Variants in RAB10 observed in about 807,000 individuals in gnomAD.
The protein encoded by RAB10 is RAB10, member RAS oncogene family.
Under a neutral mutation model 25.7 loss-of-function variants are expected in RAB10, and 5 were observed. That is an observed-to-expected ratio of 0.19 (90% CI 0.10 to 0.41). The LOEUF is 0.41. Among genes scored for constraint, RAB10 ranks in the 10% least tolerant of loss-of-function variants. RAB10 has a pLI of 1.00. For missense variants in RAB10, 103 were observed against 245.8 expected, an observed-to-expected ratio of 0.42 and a Z score of 3.89; for synonymous variants, 89 against 86.4, an observed-to-expected ratio of 1.03 and a Z score of -0.16.
chr2:26,051,225 C>T (rs1192388775), intron 1 of RAB10, among the ~76,000 whole-genome samples: 2 of 152,080 alleles, frequency 1.3e-5, no homozygotes, highest in East Asian at 1.9e-4. Flanking sequence ...GTGTGAGCCA[C>T]CATGCCTGGC....
At chr2:26,124,236 T>C (rs1667860565) in intron 3 of RAB10, among the ~76,000 whole-genome samples, 1 of 151,886 alleles carries the variant, frequency 6.6e-6, no homozygotes, top group South Asian at 2.1e-4. Context: ...GGTATACCCT[T>C]ACCCCCATTG....
chr2:26,075,853 G>T (rs773739616), intron 1 of RAB10, among the ~76,000 whole-genome samples: 1 of 152,038 alleles, frequency 6.6e-6, no homozygotes, highest in Admixed American at 6.6e-5. Flanking sequence ...GGAGGGTTAG[G>T]GGGTGGAAGA....
At chr2:26,033,806 G>C (rs566898086), upstream of RAB10, among the ~76,000 whole-genome samples, 2 of 152,246 alleles carry the variant, frequency 1.3e-5, no homozygotes, top group Middle Eastern at 3.4e-3. Context: ...GGGGTCGGAG[G>C]GGGGGCGCTG....
At chr2:26,047,848 C>G in intron 1 of RAB10, among the ~76,000 whole-genome samples, 1 of 151,652 alleles carries the variant, frequency 6.6e-6, no homozygotes, top group Admixed American at 6.6e-5. Flanking sequence ...CACAGCCTCC[C>G]AAGTAGCTGG....
rs534631211 is a variant in RAB10 at position 26,103,370 on chromosome 2, A to G, written c.188+4648A>G. On this transcript the variant is annotated intron_variant, in intron 2 of 5. Transcript: ENST00000264710. ...TCTTGCAGAAGCTCTTAGTAGGAACAAACTTACGAATTTAAAAATGGTTTC... is the reference window on the plus strand; with the variant it reads ...TCTTGCAGAAGCTCTTAGTAGGAACGAACTTACGAATTTAAAAATGGTTTC... Among the ~76,000 whole-genome samples, 5 of 152,340 alleles carry G rather than the reference A, an allele frequency of 3.3e-5. No homozygotes were observed. The South Asian group carries it at 1.0e-3, about 32-fold the overall frequency.
At chr2:26,044,879 T>C (rs1277246516) in intron 1 of RAB10, among the ~76,000 whole-genome samples, 2 of 152,114 alleles carry the variant, frequency 1.3e-5, no homozygotes, top group Non-Finnish European at 2.9e-5. Flanking sequence ...GCCAATCTTA[T>C]TCATAACCAC....
At chr2:26,109,695 T>G in intron 2 of RAB10, 73 bp from the exon 3 acceptor site, 1 of 1,386,808 alleles carries the variant, frequency 7.2e-7, no homozygotes, top group Non-Finnish European at 9.5e-7. Flanking sequence ...GAAAAACTAT[T>G]CTTGTTTTGT....
At chr2:26,099,315 T>A (rs926317076) in intron 2 of RAB10, among the ~76,000 whole-genome samples, 1 of 152,178 alleles carries the variant, frequency 6.6e-6, no homozygotes, top group African/African-American at 2.4e-5. Context: ...CTAACTGATA[T>A]AGAATAAGTG....
intron 1 of RAB10, among the ~76,000 whole-genome samples, chr2:26,088,842 C>T (rs1340155325): frequency 1.3e-5 from 2 of 151,868 alleles, no homozygotes; most frequent in African/African-American, 4.8e-5. Flanking sequence ...CAAGACTGGT[C>T]TCGAACTCCT....
At chr2:26,068,575 G>A (rs1666558629) in intron 1 of RAB10, among the ~76,000 whole-genome samples, 1 of 151,928 alleles carries the variant, frequency 6.6e-6, no homozygotes, top group African/African-American at 2.4e-5. Context: ...GATCTTTTTA[G>A]TGCCAAATAC....
chr2:26,127,972 C>T (rs748354286), intron 5 of RAB10, 21 bp downstream of exon 5: 39 of 1,516,902 alleles, frequency 2.6e-5, no homozygotes, highest in Admixed American at 8.4e-5. Flanking sequence ...GTTTTTATAT[C>T]CTGCCAGGTA....
chr2:26,130,523 A>C (rs548093288), intron 5 of RAB10, among the ~76,000 whole-genome samples: 1 of 151,574 alleles, frequency 6.6e-6, no homozygotes, highest in African/African-American at 2.4e-5. Context: ...TGCCCAGGCT[A>C]GATTTGAACT....
chr2:26,093,791 C>G (rs962753026), intron 1 of RAB10, among the ~76,000 whole-genome samples: 10 of 152,196 alleles, frequency 6.6e-5, no homozygotes, highest in African/African-American at 2.4e-4. Context: ...AACAAATCAA[C>G]TTGTCATTTT....
At chr2:26,086,696 T>G (rs1016640910) in intron 1 of RAB10, among the ~76,000 whole-genome samples, 5 of 152,308 alleles carry the variant, frequency 3.3e-5, no homozygotes, top group Middle Eastern at 3.4e-3. Flanking sequence ...AACAGCTCTA[T>G]TCATAAAAGC....
At position 26,136,871 on chromosome 2, in the gene RAB10, T is replaced by G. The variant is rs1482229366; in HGVS notation, c.*1850T>G. ...ACTTGACTTTATCATTGTTTACTAC[T>G]AGTAAAAAGCAGCATTGCCAAATAA... On this transcript the variant is annotated 3_prime_UTR_variant, in exon 6 of 6. Transcript: ENST00000264710. 1.3e-5 allele frequency: 2 copies of G among 152,586 alleles called. No individual in the cohort carries two copies. The highest frequency in any genetic ancestry group is 2.9e-5 in the Non-Finnish European group (2 of 68,002). 9.5% of individuals were successfully genotyped at this position (152,586 alleles called of 1,614,324 possible).
chr2:26,060,636 A>G (rs1666374856), intron 1 of RAB10, among the ~76,000 whole-genome samples: 1 of 152,190 alleles, frequency 6.6e-6, no homozygotes, highest in African/African-American at 2.4e-5. Context: ...TTATTTTGCC[A>G]GTGAGAAAAT....
At chr2:26,083,010 A>G (rs1163795163) in intron 1 of RAB10, among the ~76,000 whole-genome samples, 1 of 152,232 alleles carries the variant, frequency 6.6e-6, no homozygotes, top group Admixed American at 6.5e-5. Context: ...TAGTAGGCAT[A>G]GACAAAGCAT....
At chr2:26,077,754 C>T (rs762995360) in intron 1 of RAB10, among the ~76,000 whole-genome samples, 4 of 151,976 alleles carry the variant, frequency 2.6e-5, no homozygotes, top group East Asian at 1.9e-4. Context: ...CTGAGGTGGG[C>T]GGATCACGAG....
chr2:26,087,561 C>T (rs1667013732), intron 1 of RAB10, among the ~76,000 whole-genome samples: 1 of 152,084 alleles, frequency 6.6e-6, no homozygotes, highest in Non-Finnish European at 1.5e-5. Flanking sequence ...TGCCACCATG[C>T]CCAGCTAATT....
Sources: gnomAD v4.1 joint callset for allele counts (sites outside exome capture counted in the v4.1 genomes callset) on GRCh38, gnomAD v4.1.1 for gene constraint, MANE v1.5 for transcripts, NCBI Gene and HGNC (gene_info 2026-07-23, HGNC 2026-07-21) for gene names.